The following RPA2 variants were observed in gnomAD, a reference collection of about 807,000 sequenced individuals.
The protein encoded by RPA2 is replication protein A 32 kDa subunit.
In RPA2, 22 loss-of-function variants were observed where a neutral mutation model predicts 33.4. That is an observed-to-expected ratio of 0.66 (90% confidence interval 0.47 to 0.94). RPA2 has a LOEUF of 0.94. Among genes scored for constraint, RPA2 ranks in the 40% least tolerant of loss-of-function variants. The probability of loss-of-function intolerance (pLI) is 0.00; values close to 1 mark genes in which losing one functional copy is unlikely to be tolerated. For missense variants in RPA2, 279 were observed against 329.9 expected (o/e 0.85, Z 1.19); for synonymous variants, 109 against 114.9 (o/e 0.95, Z 0.33).
rs1341809403 is a variant in RPA2, at chr1:27,910,834, G to A, written c.117+3229C>T. On this transcript the variant is annotated intron_variant, in intron 2 of 8. Coordinates refer to ENST00000373912, the MANE Select transcript of RPA2 (RefSeq NM_002946.5). ...TATGACTGCACCACTGCACTCCAGCGGGGGTGAAAGTGAGACGGTCTCAAT... is the reference window on the plus strand; with the variant it reads ...TATGACTGCACCACTGCACTCCAGCAGGGGTGAAAGTGAGACGGTCTCAAT... Among the ~76,000 whole-genome samples, 7 of 152,016 alleles carry A rather than the reference G, an allele frequency of 4.6e-5. 1 individual carries two copies. The highest frequency in any genetic ancestry group is 1.3e-4 in the Admixed American group (2 of 15,248).
chr1:27,896,970 G>T, intron 6 of RPA2, 35 bp downstream of exon 6: 1 of 1,492,026 alleles, frequency 6.7e-7, no homozygotes, highest in Admixed American at 1.8e-5. Context: ...GTTCTTCCAG[G>T]GAAGAGAAAA....
At position 27,906,981 on chromosome 1, in the gene RPA2, T is replaced by C; in HGVS notation, c.280A>G (p.Ile94Val). 4 of 1,614,118 alleles carry C rather than the reference T, an allele frequency of 2.5e-6. No individual in the cohort carries two copies. The highest frequency in any genetic ancestry group is 1.7e-6 in the Non-Finnish European group (2 of 1,180,036). ...EKAPTNIVYK[I>V]DDMTAAPMDV... ...ATGGGTGCAGCTGTCATGTCATCTA[T>C]TTTGTAAACAATGTTGGTTGGAGCC... The change falls in exon 4 of 9, where the codon ATA becomes GTA. Residue 94 changes from isoleucine to valine, a missense_variant. Coordinates refer to ENST00000373912, the MANE Select transcript of RPA2 (RefSeq NM_002946.5).
intron 4 of RPA2, among the ~76,000 whole-genome samples, chr1:27,899,188 C>A (rs551614632): frequency 6.6e-6 from 1 of 152,046 alleles, no homozygotes; most frequent in South Asian, 2.1e-4. Context: ...GCCTGGCCAA[C>A]GTGGTGAAAC....
intron 2 of RPA2, among the ~76,000 whole-genome samples, chr1:27,913,696 C>T (rs1232333853): frequency 1.3e-5 from 2 of 151,588 alleles, no homozygotes; most frequent in Non-Finnish European, 2.9e-5. Flanking sequence ...GTGGGAGGAT[C>T]GCTTGAGCTC....
intron 8 of RPA2, among the ~76,000 whole-genome samples, 180 bp from the exon 9 acceptor site, chr1:27,892,427 A>G (rs1421419551): frequency 6.6e-6 from 1 of 152,214 alleles, no homozygotes; most frequent in Non-Finnish European, 1.5e-5. Flanking sequence ...TAAAATAGCA[A>G]AACAGAGCTT....
At chr1:27,910,150 G>C (rs1475745038) in intron 2 of RPA2, among the ~76,000 whole-genome samples, 1 of 152,180 alleles carries the variant, frequency 6.6e-6, no homozygotes, top group African/African-American at 2.4e-5. Context: ...AAGAACATGA[G>C]GTTTGGAGCC....
chr1:27,892,262 GA>G lies in RPA2; in HGVS notation c.729-16del, dbSNP rs374964111. On this transcript the variant is annotated splice_polypyrimidine_tract_variant and intron_variant, in intron 8 of 8. Coordinates refer to ENST00000373912, the MANE Select transcript of RPA2 (RefSeq NM_002946.5). ...CCACAGCTTGCCTAGAAAGAAAGAAGAAAAAAAAAAGGTCATTTTCAGGCCA... is the reference window on the plus strand; with the variant it reads ...CCACAGCTTGCCTAGAAAGAAAGAAGAAAAAAAAAGGTCATTTTCAGGCCA... The G allele has an allele frequency of 6.8e-4, 989 of 1,444,434 alleles. No individual in the cohort carries two copies. The highest frequency in any genetic ancestry group is 8.9e-4 in the Admixed American group (45 of 50,636). 89.5% of individuals were successfully genotyped at this position (1,444,434 alleles called of 1,614,324 possible).
intron 2 of RPA2, among the ~76,000 whole-genome samples, chr1:27,909,381 C>A (rs2090069843): frequency 6.6e-6 from 1 of 152,142 alleles, no homozygotes; most frequent in Non-Finnish European, 1.5e-5. Flanking sequence ...CCACAAAAGG[C>A]AGCAGCCAAG....
In RPA2 at chr1:27,893,318, T is replaced by G. The variant is rs148102873; in HGVS notation, c.728+694A>C. ...CAACAGGGTTGCAGTTAAGTTTTTT[T>G]TGTGTGTGTGACAGTCTCACTCTGT... On this transcript the variant is annotated intron_variant, in intron 8 of 8. Transcript: ENST00000373912. Among the ~76,000 whole-genome samples, 669 of 152,276 alleles carry G rather than the reference T, an allele frequency of 4.4e-3. 3 individuals are homozygous for G. The highest frequency in any genetic ancestry group is 6.6e-3 in the Non-Finnish European group (447 of 68,020).
At chr1:27,914,322 C>G in intron 1 of RPA2, 112 bp downstream of exon 1, 1 of 1,612,312 alleles carries the variant, frequency 6.2e-7, no homozygotes, top group Non-Finnish European at 8.5e-7. Flanking sequence ...GCCCCAGCTC[C>G]GCTCCCGCCC....
At chr1:27,896,840 G>A (rs2089898585) in intron 6 of RPA2, among the ~76,000 whole-genome samples, 165 bp downstream of exon 6, 1 of 152,172 alleles carries the variant, frequency 6.6e-6, no homozygotes, top group Non-Finnish European at 1.5e-5. Flanking sequence ...TGTTTCATCT[G>A]GAATAAAATA....
chr1:27,899,143 C>T (rs939089639), intron 4 of RPA2, among the ~76,000 whole-genome samples: 1 of 152,044 alleles, frequency 6.6e-6, no homozygotes, highest in Non-Finnish European at 1.5e-5. Context: ...GAGGCCAAGG[C>T]GAGCAAGTCA....
intron 2 of RPA2, 108 bp from the exon 3 acceptor site, chr1:27,907,390 A>C (rs2090043178): frequency 2.3e-6 from 2 of 876,994 alleles, no homozygotes; most frequent in Non-Finnish European, 3.5e-6. Flanking sequence ...TTGAATTTCA[A>C]AACAAATCTC....
chr1:27,901,456 G>C (rs532148013), intron 4 of RPA2, among the ~76,000 whole-genome samples: 1 of 151,352 alleles, frequency 6.6e-6, no homozygotes, highest in East Asian at 2.0e-4. Context: ...TCCACCTCCT[G>C]GGTTCAAGCG....
intron 4 of RPA2, among the ~76,000 whole-genome samples, chr1:27,905,569 G>A (rs1246457206): frequency 1.3e-5 from 2 of 152,184 alleles, no homozygotes; most frequent in Non-Finnish European, 2.9e-5. Context: ...GCGATTACAG[G>A]CGTGAGCCAC....
intron 4 of RPA2, among the ~76,000 whole-genome samples, chr1:27,906,561 G>A (rs2090031090): frequency 6.6e-6 from 1 of 151,980 alleles, no homozygotes; most frequent in South Asian, 2.1e-4. Context: ...GTGGTGGCAG[G>A]TGCCTGTAAT....
chr1:27,893,931 C>G lies in RPA2; in HGVS notation c.728+81G>C. On this transcript the variant is annotated intron_variant, in intron 8 of 8. Transcript: ENST00000373912. ...GCTGCCAAGTTTTACTTTTTAAACC[C>G]ACTTCTCACTATCAGGAAACCCTTG... The G allele has an allele frequency of 4.9e-6, 6 of 1,236,338 alleles. No homozygotes were observed. The Admixed American group carries it at 9.3e-5, about 19-fold the overall frequency. 76.6% of individuals were successfully genotyped at this position (1,236,338 alleles called of 1,614,324 possible). A position where few individuals can be genotyped will look rare whatever the true frequency, so the allele number is the denominator to read the frequency against.
Position 27,914,422 on chromosome 1 carries a change from C to A in RPA2, c.10+12G>T. 6.2e-7 allele frequency: 1 copy of A among 1,608,362 alleles called. No individual in the cohort carries two copies. The highest frequency in any genetic ancestry group is 8.5e-7 in the Non-Finnish European group (1 of 1,176,970). On this transcript the variant is annotated intron_variant, in intron 1 of 8. Transcript: ENST00000373912. ...ATTCTCTTCCTCCTCCACCCCGCAC[C>A]CCCATCATTACTGTTCCACATCTTG...
At chr1:27,906,893 A>C in intron 4 of RPA2, 35 bp downstream of exon 4, 1 of 1,463,750 alleles carries the variant, frequency 6.8e-7, no homozygotes, top group Non-Finnish European at 9.5e-7. Flanking sequence ...ACAGTTCCAA[A>C]GTAACCCCAT....
Sources: allele counts gnomAD v4.1 joint callset (sites outside exome capture counted in the v4.1 genomes callset), GRCh38; gene constraint gnomAD v4.1.1; transcripts MANE v1.5; gene names NCBI Gene and HGNC (gene_info 2026-07-23, HGNC 2026-07-21).